GPATCH2L: variants seen among roughly 807,000 people sequenced by gnomAD.
The protein encoded by GPATCH2L is G-patch domain containing 2 like, also known as G patch domain-containing protein 2-like.
GPATCH2L carries 31 observed loss-of-function variants against 57.4 expected under a neutral mutation model. The ratio of observed to expected loss-of-function variants is 0.54; its 90% CI spans 0.41 to 0.73. The LOEUF is 0.73. Ranked by LOEUF, GPATCH2L falls within the 30% of genes least tolerant of loss-of-function variation. The pLI, the probability that GPATCH2L is intolerant of heterozygous loss-of-function variation, is 0.00. For missense variants in GPATCH2L, 481 were observed against 599.9 expected (o/e 0.80, Z 2.07); for synonymous variants, 199 against 210.7 (o/e 0.94, Z 0.48).
intron 8 of GPATCH2L, among the ~76,000 whole-genome samples, chr14:76,186,048 T>C (rs921400645): frequency 1.3e-5 from 2 of 152,274 alleles, no homozygotes; most frequent in Admixed American, 6.5e-5. Flanking sequence ...TGAAATAATA[T>C]ATGTAAATAT....
At position 76,203,755 on chromosome 14, in the gene GPATCH2L, G is replaced by A. The variant is rs1299263223; in HGVS notation, c.*1904G>A. ...AATCGTACCACTGAATTGTTCTAGTGATGAGGTTAGATTTTGTTGTCATGT... is the reference window on the plus strand; with the variant it reads ...AATCGTACCACTGAATTGTTCTAGTAATGAGGTTAGATTTTGTTGTCATGT... On this transcript the variant is annotated 3_prime_UTR_variant, in exon 10 of 10. Transcript: ENST00000261530. 2 of 152,234 alleles carry A rather than the reference G, an allele frequency of 1.3e-5. No homozygotes were observed. The highest frequency in any genetic ancestry group is 2.9e-5 in the Non-Finnish European group (2 of 68,046). 9.4% of individuals were successfully genotyped at this position (152,234 alleles called of 1,614,324 possible). A position where few individuals can be genotyped will look rare whatever the true frequency, so the allele number is the denominator to read the frequency against.
intron 8 of GPATCH2L, among the ~76,000 whole-genome samples, chr14:76,192,239 A>G (rs2039999432): frequency 6.6e-6 from 1 of 151,796 alleles, no homozygotes; most frequent in Non-Finnish European, 1.5e-5. Context: ...CTTCACATAG[A>G]AAAATAGATT....
chr14:76,189,673 G>A (rs1282098933), intron 8 of GPATCH2L, among the ~76,000 whole-genome samples: 4 of 151,906 alleles, frequency 2.6e-5, no homozygotes, highest in African/African-American at 9.7e-5. Flanking sequence ...CTTCCTTTTC[G>A]GTTTGGATGC....
chr14:76,197,065 T>C (rs905770313), intron 9 of GPATCH2L, among the ~76,000 whole-genome samples: 1 of 152,178 alleles, frequency 6.6e-6, no homozygotes, highest in Admixed American at 6.5e-5. Context: ...GTAGATGCTG[T>C]TTTTATTCCC....
intron 7 of GPATCH2L, chr14:76,178,839 AGTCTTT>A (rs2039447671): frequency 6.6e-6 from 1 of 152,320 alleles, no homozygotes; most frequent in Admixed American, 6.5e-5. Flanking sequence ...TCTCCTTCTT[AGTCTTT>A]TCCCTGGCTA....
Position 76,211,413 on chromosome 14 carries a change from C to T in GPATCH2L, c.*9562C>T, listed in dbSNP as rs2139847592. 6.6e-6 allele frequency: 1 copy of T among 152,274 alleles called. No individual in the cohort carries two copies. Among genetic ancestry groups the T allele is most frequent in the South Asian group, 2.1e-4 (1 of 4,824 alleles). 9.4% of individuals were successfully genotyped at this position (152,274 alleles called of 1,614,324 possible). The stretch of plus-strand genomic sequence containing the variant: ...TCCGTGGGAAATATAGCTAGGCCCA[C>T]TTATTGGTAGGAGCTACTGACATGT... On this transcript the variant is annotated 3_prime_UTR_variant, in exon 10 of 10. Coordinates refer to ENST00000261530, the MANE Select transcript of GPATCH2L (RefSeq NM_017926.4).
intron 9 of GPATCH2L, among the ~76,000 whole-genome samples, chr14:76,196,832 G>A (rs987706849): frequency 6.6e-5 from 10 of 152,082 alleles, no homozygotes; most frequent in Non-Finnish European, 1.2e-4. Flanking sequence ...TGGGGAGGGA[G>A]CCCTATCCTC....
At chr14:76,199,695 C>T (rs2040258985) in intron 9 of GPATCH2L, among the ~76,000 whole-genome samples, 1 of 152,072 alleles carries the variant, frequency 6.6e-6, no homozygotes, top group African/African-American at 2.4e-5. Context: ...AATTGGAACC[C>T]TTGTGTAGTG....
intron 8 of GPATCH2L, among the ~76,000 whole-genome samples, chr14:76,181,708 T>C (rs1377203069): frequency 6.6e-6 from 1 of 152,138 alleles, no homozygotes; most frequent in Admixed American, 6.5e-5. Flanking sequence ...TTAGGTGACA[T>C]GGGAAGTAAA....
intron 3 of GPATCH2L, among the ~76,000 whole-genome samples, chr14:76,168,348 G>A (rs2038938165): frequency 6.6e-6 from 1 of 152,212 alleles, no homozygotes; most frequent in Non-Finnish European, 1.5e-5. Flanking sequence ...AGGGAGGGAG[G>A]TGAGTGATAT....
chr14:76,178,393 C>T (rs1481241880), intron 7 of GPATCH2L: 1 of 480,226 alleles, frequency 2.1e-6, no homozygotes, highest in Non-Finnish European at 3.2e-6. Context: ...TCACCAGGAA[C>T]CATTTTTGTA....
chr14:76,217,759 C>T (rs2040496117), downstream of GPATCH2L, among the ~76,000 whole-genome samples: 1 of 152,094 alleles, frequency 6.6e-6, no homozygotes, highest in African/African-American at 2.4e-5. Context: ...GAGATATGAG[C>T]AGACAGTTGA....
rs374857008 is a variant in GPATCH2L, at chr14:76,208,275, G to A, written c.*6424G>A. ...ATCAGAGAACTTAAAGATGGCCTTC[G>A]TGACTTTGACTCAAAATCAATGCAT... On this transcript the variant is annotated 3_prime_UTR_variant, in exon 10 of 10. Transcript: ENST00000261530. 2.0e-5 allele frequency: 3 copies of A among 152,042 alleles called. No homozygotes were observed. The East Asian group carries it at 5.8e-4, about 29-fold the overall frequency. 9.4% of individuals were successfully genotyped at this position (152,042 alleles called of 1,614,324 possible). A position where few individuals can be genotyped will look rare whatever the true frequency, so the allele number is the denominator to read the frequency against.
intron 2 of GPATCH2L, among the ~76,000 whole-genome samples, chr14:76,160,609 C>G (rs1241059783): frequency 6.6e-6 from 1 of 152,156 alleles, no homozygotes; most frequent in Non-Finnish European, 1.5e-5. Context: ...GAAGAGACTT[C>G]TACTGAGACG....
chr14:76,222,388 T>C (rs141172490), intron 1 of GPATCH2L, among the ~76,000 whole-genome samples: 164 of 151,994 alleles, frequency 1.1e-3, no homozygotes, highest in African/African-American at 3.7e-3. Flanking sequence ...GGATGGATCA[T>C]TTAAGTCCAG....
At chr14:76,157,727 C>T (rs2038376845) in intron 2 of GPATCH2L, among the ~76,000 whole-genome samples, 4 of 151,578 alleles carry the variant, frequency 2.6e-5, no homozygotes, top group African/African-American at 7.3e-5. Context: ...ATGTGTGTCT[C>T]AATCAGCTTA....
intron 8 of GPATCH2L, among the ~76,000 whole-genome samples, chr14:76,193,183 T>C (rs186470317): frequency 3.3e-5 from 5 of 152,310 alleles, no homozygotes; most frequent in African/African-American, 1.2e-4. Context: ...TTAAAAGTTG[T>C]TAAAAACTTT....
intron 4 of GPATCH2L, among the ~76,000 whole-genome samples, chr14:76,173,014 A>G (rs1327669044): frequency 6.6e-6 from 1 of 152,236 alleles, no homozygotes; most frequent in Non-Finnish European, 1.5e-5. Context: ...AAAATGGCCT[A>G]TAATCTCATA....
At chr14:76,152,498 C>A in intron 1 of GPATCH2L, 1 of 360,296 alleles carries the variant, frequency 2.8e-6, no homozygotes, top group Non-Finnish European at 5.5e-6. Context: ...CTCACTTCCA[C>A]CCTGCTCCTG....
Sources: gnomAD v4.1 joint callset for allele counts (sites outside exome capture counted in the v4.1 genomes callset) on GRCh38, gnomAD v4.1.1 for gene constraint, MANE v1.5 for transcripts, NCBI Gene and HGNC (gene_info 2026-07-23, HGNC 2026-07-21) for gene names.